Variants in EXT2 observed in about 807,000 individuals in gnomAD.
EXT2 encodes the protein exostosin-2.
Under a neutral mutation model 81.6 loss-of-function variants are expected in EXT2, and 53 were observed. The observed-to-expected ratio is 0.65, with a 90% CI of 0.52 to 0.82. The LOEUF is 0.82. EXT2 is among the 40% of genes least tolerant of loss of function. EXT2 has a pLI of 0.00. For synonymous variants in EXT2, 320 were observed against 340.0 expected (o/e 0.94, Z 0.65); for missense variants, 774 against 910.2 (o/e 0.85, Z 1.93).
chr11:44,117,555 G>T (rs1386218006), intron 4 of EXT2, among the ~76,000 whole-genome samples: 2 of 152,056 alleles, frequency 1.3e-5, no homozygotes, highest in Non-Finnish European at 2.9e-5. Context: ...GAACACCACT[G>T]GTTGAAAAAA....
rs572860013 is a variant in EXT2 at position 44,105,281 on chromosome 11, T to A, written c.-30-2402T>A. Among the ~76,000 whole-genome samples the A allele has an allele frequency of 7.4e-4, 112 of 152,256 alleles. 1 individual carries two copies. Among genetic ancestry groups the A allele is most frequent in the African/African-American group, 2.4e-3 (99 of 41,544 alleles). On this transcript the variant is annotated intron_variant, in intron 1 of 13. Transcript: ENST00000533608. ...CCGTGAGTAGAATGATACCATTTTGTTTATTTATTTTTATTTTATTTTATT... is the reference window on the plus strand; with the variant it reads ...CCGTGAGTAGAATGATACCATTTTGATTATTTATTTTTATTTTATTTTATT...
intron 13 of EXT2, among the ~76,000 whole-genome samples, chr11:44,237,481 G>T (rs1386895071): frequency 6.6e-6 from 1 of 152,026 alleles, no homozygotes; most frequent in African/African-American, 2.4e-5. Context: ...ACAGTTAAGG[G>T]TAGTGACATA....
Position 44,233,530 on chromosome 11 carries a change from G to C in EXT2, c.1807-585G>C, listed in dbSNP as rs117640369. On this transcript the variant is annotated intron_variant, in intron 11 of 13. Transcript: ENST00000533608. ...AGAATATTCAGTTCAATAGTAGAATGCTCCCTGGGAGTATATGGTTTAATT... is the reference window on the plus strand; with the variant it reads ...AGAATATTCAGTTCAATAGTAGAATCCTCCCTGGGAGTATATGGTTTAATT... Among the ~76,000 whole-genome samples the C allele has an allele frequency of 4.9e-3, 752 of 152,268 alleles. 7 individuals are homozygous for C. Among genetic ancestry groups the C allele is most frequent in the East Asian group, 0.043 (222 of 5,176 alleles).
At chr11:44,113,796 T>A (rs376205180) in intron 3 of EXT2, among the ~76,000 whole-genome samples, 2 of 152,138 alleles carry the variant, frequency 1.3e-5, no homozygotes, top group African/African-American at 4.8e-5. Context: ...GTAAATGACT[T>A]CCCCAACCAG....
intron 9 of EXT2, among the ~76,000 whole-genome samples, chr11:44,198,640 C>T (rs1394298123): frequency 6.6e-6 from 1 of 152,212 alleles, no homozygotes; most frequent in Non-Finnish European, 1.5e-5. Flanking sequence ...TTTGGTTTCT[C>T]ATTCAGTCTG....
intron 7 of EXT2, among the ~76,000 whole-genome samples, chr11:44,156,458 G>A (rs1264591913): frequency 6.6e-6 from 1 of 151,928 alleles, no homozygotes; most frequent in African/African-American, 2.4e-5. Context: ...ATGTTTTCAA[G>A]CTCACTAATT....
At chr11:44,103,483 C>T (rs1954014401) in intron 1 of EXT2, among the ~76,000 whole-genome samples, 1 of 152,180 alleles carries the variant, frequency 6.6e-6, no homozygotes, top group Non-Finnish European at 1.5e-5. Flanking sequence ...CTGAAGCATA[C>T]TTCAAGAACC....
intron 7 of EXT2, among the ~76,000 whole-genome samples, chr11:44,143,365 A>G (rs1213222052): frequency 1.3e-5 from 2 of 152,104 alleles, no homozygotes; most frequent in African/African-American, 2.4e-5. Context: ...CCCTGGGGGA[A>G]TTTTCAAACT....
At position 44,244,309 on chromosome 11, in the gene EXT2, T is replaced by G. The variant is rs781012977; in HGVS notation, c.*22T>G. ...ATGAAACGTGTCATTGGTGGAGGTCTGAATGTGAGGCTGGGACAGAGGGAG... is the reference window on the plus strand; with the variant it reads ...ATGAAACGTGTCATTGGTGGAGGTCGGAATGTGAGGCTGGGACAGAGGGAG... On this transcript the variant is annotated 3_prime_UTR_variant, in exon 14 of 14. Coordinates refer to ENST00000533608, the MANE Select transcript of EXT2 (RefSeq NM_207122.2). The G allele has an allele frequency of 1.2e-6, 2 of 1,613,532 alleles. No individual in the cohort carries two copies. Among genetic ancestry groups the G allele is most frequent in the South Asian group, 2.2e-5 (2 of 91,068 alleles).
chr11:44,181,542 C>A (rs1336959943), intron 8 of EXT2, among the ~76,000 whole-genome samples: 2 of 152,122 alleles, frequency 1.3e-5, no homozygotes, highest in East Asian at 3.8e-4. Flanking sequence ...ACCTTACCAT[C>A]TTTCGGTCTT....
intron 3 of EXT2, among the ~76,000 whole-genome samples, chr11:44,110,049 G>T (rs1231529836): frequency 6.6e-6 from 1 of 152,118 alleles, no homozygotes; most frequent in Admixed American, 6.5e-5. Flanking sequence ...AATGCTCAAG[G>T]TATAGAATTG....
intron 4 of EXT2, 146 bp downstream of exon 4, chr11:44,114,447 C>G: frequency 2.6e-6 from 2 of 774,216 alleles, no homozygotes; most frequent in East Asian, 4.9e-5. Context: ...TTTCCCACCT[C>G]CATGCAGTCT....
intron 8 of EXT2, 26 bp downstream of exon 8, chr11:44,171,768 A>G (rs763628862): frequency 3.7e-6 from 6 of 1,613,480 alleles, no homozygotes; most frequent in Admixed American, 3.3e-5. Flanking sequence ...TGCTAGCCAC[A>G]TGAGGCATGG....
At chr11:44,152,539 C>T (rs774565730) in intron 7 of EXT2, among the ~76,000 whole-genome samples, 14 of 152,066 alleles carry the variant, frequency 9.2e-5, no homozygotes, top group East Asian at 1.9e-4. Flanking sequence ...TTAGTAGAGA[C>T]GGGTTTTCAT....
At chr11:44,201,326 T>C (rs969378962) in intron 9 of EXT2, among the ~76,000 whole-genome samples, 1 of 152,200 alleles carries the variant, frequency 6.6e-6, no homozygotes, top group Non-Finnish European at 1.5e-5. Context: ...GTGAAGTTCA[T>C]AGGACTTCAC....
At chr11:44,233,999 G>T (rs193042403) in intron 11 of EXT2, 116 bp from the exon 12 acceptor site, 63 of 1,430,706 alleles carry the variant, frequency 4.4e-5, no homozygotes, top group Middle Eastern at 4.7e-4. Context: ...ATACAGCCTT[G>T]TGATTAATCT....
chr11:44,100,642 G>T (rs1392787745), intron 1 of EXT2, among the ~76,000 whole-genome samples: 3 of 152,158 alleles, frequency 2.0e-5, no homozygotes, highest in African/African-American at 7.2e-5. Context: ...AAGACAGAAG[G>T]CTCTATGGCC....
At chr11:44,229,440 T>G (rs989500557) in intron 10 of EXT2, among the ~76,000 whole-genome samples, 1 of 152,232 alleles carries the variant, frequency 6.6e-6, no homozygotes, top group Non-Finnish European at 1.5e-5. Context: ...ACAGTGTTAA[T>G]GAAGCCAAGG....
intron 9 of EXT2, 85 bp from the exon 10 acceptor site, chr11:44,206,708 C>A: frequency 7.1e-7 from 1 of 1,410,946 alleles, no homozygotes; most frequent in South Asian, 1.2e-5. Flanking sequence ...CTGATTCTCC[C>A]ATCTCATTTG....
Sources: allele counts gnomAD v4.1 joint callset (sites outside exome capture counted in the v4.1 genomes callset), GRCh38; gene constraint gnomAD v4.1.1; transcripts MANE v1.5; gene names NCBI Gene and HGNC (gene_info 2026-07-23, HGNC 2026-07-21).